ZFAND6: variants seen among roughly 807,000 people sequenced by gnomAD.
ZFAND6 encodes zinc finger AN1-type containing 6.
A neutral mutation model predicts 24.5 loss-of-function variants in ZFAND6; 12 were observed. The observed-to-expected ratio is 0.49, with a 90% confidence interval of 0.31 to 0.79. The LOEUF is 0.79. Ranked by LOEUF, ZFAND6 falls within the 30% of genes least tolerant of loss-of-function variation. ZFAND6 has a pLI of 0.04. For missense variants in ZFAND6, 207 were observed against 245.9 expected (o/e 0.84, Z 1.06); for synonymous variants, 92 against 81.5 (o/e 1.13, Z -0.69).
chr15:80,063,127 C>T (rs2036423626), intron 1 of ZFAND6, among the ~76,000 whole-genome samples: 1 of 152,080 alleles, frequency 6.6e-6, no homozygotes, highest in African/African-American at 2.4e-5. Context: ...GGCTTATATA[C>T]CTCAGACCAG....
At chr15:80,093,244 C>T (rs1439613446) in intron 1 of ZFAND6, among the ~76,000 whole-genome samples, 3 of 151,628 alleles carry the variant, frequency 2.0e-5, no homozygotes, top group East Asian at 2.0e-4. Context: ...GGATTACTAG[C>T]GTGAGCCACC....
At chr15:80,123,641 C>T (rs1311188008) in intron 5 of ZFAND6, among the ~76,000 whole-genome samples, 1 of 152,166 alleles carries the variant, frequency 6.6e-6, no homozygotes, top group Non-Finnish European at 1.5e-5. Context: ...GTGGCTTGTG[C>T]CTATAATCCC....
intron 1 of ZFAND6, among the ~76,000 whole-genome samples, chr15:80,077,212 A>G (rs995494754): frequency 6.6e-6 from 1 of 152,246 alleles, no homozygotes; most frequent in African/African-American, 2.4e-5. Context: ...ATCCGGGTGT[A>G]TAAAGCACCT....
intron 1 of ZFAND6, among the ~76,000 whole-genome samples, chr15:80,079,972 C>T (rs2037552744): frequency 6.6e-6 from 1 of 151,166 alleles, no homozygotes; most frequent in Non-Finnish European, 1.5e-5. Flanking sequence ...AAACAGAATA[C>T]ACAACCGTTT....
At chr15:80,062,995 A>G (rs1052369578) in intron 1 of ZFAND6, among the ~76,000 whole-genome samples, 2 of 152,226 alleles carry the variant, frequency 1.3e-5, no homozygotes, top group African/African-American at 4.8e-5. Flanking sequence ...CATTGCTTCA[A>G]CTTTTCTACT....
intron 1 of ZFAND6, among the ~76,000 whole-genome samples, chr15:80,084,117 C>G (rs1459260955): frequency 2.6e-5 from 4 of 152,302 alleles, no homozygotes; most frequent in Admixed American, 6.5e-5. Context: ...TTATAGCACT[C>G]TGCTTCTTAT....
At chr15:80,104,878 T>C (rs1199922186) in intron 2 of ZFAND6, among the ~76,000 whole-genome samples, 2 of 152,196 alleles carry the variant, frequency 1.3e-5, no homozygotes, top group Non-Finnish European at 2.9e-5. Flanking sequence ...ACTTTTGATA[T>C]CATACAGCAT....
chr15:80,119,861 T>A (rs937847185), intron 2 of ZFAND6, among the ~76,000 whole-genome samples: 4 of 152,204 alleles, frequency 2.6e-5, no homozygotes, highest in African/African-American at 9.6e-5. Context: ...TCACCAGAAA[T>A]GATACTATGT....
Position 80,089,222 on chromosome 15 carries a change from T to G in ZFAND6, c.-180-9194T>G, listed in dbSNP as rs180991888. ...CCAAAGCTGTGAGATCCTTTGTGAGTAGGGGCCATATTCTGTCTTCGTGTG... is the reference window on the plus strand; with the variant it reads ...CCAAAGCTGTGAGATCCTTTGTGAGGAGGGGCCATATTCTGTCTTCGTGTG... On this transcript the variant is annotated intron_variant, in intron 1 of 6. Coordinates refer to ENST00000261749, the MANE Select transcript of ZFAND6 (RefSeq NM_019006.4). 2.0e-3 allele frequency among the ~76,000 whole-genome samples: 295 copies of G among 149,616 alleles called. 11 individuals are homozygous for G. The highest frequency in any genetic ancestry group is 0.015 in the South Asian group (73 of 4,728).
intron 1 of ZFAND6, among the ~76,000 whole-genome samples, chr15:80,066,758 G>A (rs1247630595): frequency 3.3e-5 from 5 of 151,846 alleles, no homozygotes; most frequent in Non-Finnish European, 5.9e-5. Flanking sequence ...TTAGCTGGGC[G>A]TGGTGGCCGG....
chr15:80,133,525 T>C (rs959983485), intron 6 of ZFAND6, among the ~76,000 whole-genome samples: 2 of 152,118 alleles, frequency 1.3e-5, no homozygotes, highest in Non-Finnish European at 2.9e-5. Context: ...AGGTTTGGCT[T>C]TGAAAAAGTC....
intron 5 of ZFAND6, among the ~76,000 whole-genome samples, chr15:80,127,887 C>T (rs948706876): frequency 6.6e-6 from 1 of 152,028 alleles, no homozygotes; most frequent in Non-Finnish European, 1.5e-5. Context: ...AAAACGTGTA[C>T]ACAAGTGTTC....
chr15:80,065,004 T>C (rs1429879582), intron 1 of ZFAND6, among the ~76,000 whole-genome samples: 12 of 22,620 alleles, frequency 5.3e-4, no homozygotes, highest in African/African-American at 1.4e-3. Flanking sequence ...CTCTCCCCCT[T>C]TTTTTTTTTT....
chr15:80,118,713 A>G (rs2040012042), intron 2 of ZFAND6, among the ~76,000 whole-genome samples: 1 of 152,178 alleles, frequency 6.6e-6, no homozygotes, highest in Admixed American at 6.5e-5. Flanking sequence ...CAAAATCCCA[A>G]ATTGTGTTCA....
Position 80,064,031 on chromosome 15 carries a change from G to C in ZFAND6, c.-181+4222G>C, listed in dbSNP as rs1270324385. On this transcript the variant is annotated intron_variant, in intron 1 of 6. Coordinates refer to ENST00000261749, the MANE Select transcript of ZFAND6 (RefSeq NM_019006.4). ...AGTGCTCGGTAGCCACATATGACTA[G>C]TGGTTACCCACATGGACAGTTCCAT... Among the ~76,000 whole-genome samples the C allele has an allele frequency of 2.0e-5, 3 of 152,230 alleles. No homozygotes were observed. The East Asian group carries it at 5.8e-4, about 29-fold the overall frequency.
intron 2 of ZFAND6, among the ~76,000 whole-genome samples, chr15:80,104,682 T>G (rs1239589129): frequency 6.6e-6 from 1 of 152,240 alleles, no homozygotes; most frequent in Non-Finnish European, 1.5e-5. Context: ...ATTGTACTTT[T>G]CTTGAGTCGC....
At position 80,098,508 on chromosome 15, in the gene ZFAND6, A is replaced by C. The variant is rs1219002996; in HGVS notation, c.-88A>C. The C allele has an allele frequency of 2.0e-5, 3 of 152,220 alleles. No homozygotes were observed. The highest frequency in any genetic ancestry group is 4.4e-5 in the Non-Finnish European group (3 of 68,036). The allele number at this position is 152,220 out of a possible 1,614,324, so 9.4% of individuals were successfully genotyped here. ...AAACTTTTAAGTAGCTGCTTATGAG[A>C]ATAGGGAAGGCAGAAAGCTAATGTC... is the stretch of plus-strand genomic sequence containing the variant. On this transcript the variant is annotated 5_prime_UTR_variant, in exon 2 of 7. Coordinates refer to ENST00000261749, the MANE Select transcript of ZFAND6 (RefSeq NM_019006.4).
At chr15:80,110,489 T>C (rs976392371) in intron 2 of ZFAND6, among the ~76,000 whole-genome samples, 16 of 151,884 alleles carry the variant, frequency 1.1e-4, no homozygotes, top group Non-Finnish European at 1.8e-4. Flanking sequence ...CCAATAAAAA[T>C]CCTATTGGTT....
intron 6 of ZFAND6, among the ~76,000 whole-genome samples, chr15:80,133,326 G>C (rs1396751311): frequency 6.6e-6 from 1 of 151,846 alleles, no homozygotes; most frequent in Non-Finnish European, 1.5e-5. Flanking sequence ...CCAAGTAGTT[G>C]TGATTACAGG....
Sources: allele counts gnomAD v4.1 joint callset (sites outside exome capture counted in the v4.1 genomes callset), GRCh38; gene constraint gnomAD v4.1.1; transcripts MANE v1.5; gene names NCBI Gene and HGNC (gene_info 2026-07-23, HGNC 2026-07-21).